ERN1: variants seen among roughly 807,000 people sequenced by gnomAD.
The protein encoded by ERN1 is endoplasmic reticulum to nucleus signaling 1.
A neutral mutation model predicts 113.1 loss-of-function variants in ERN1; 39 were observed. The ratio of observed to expected loss-of-function variants is 0.34; its 90% CI spans 0.27 to 0.45. The LOEUF (loss-of-function observed/expected upper bound fraction) is 0.45. Ranked by LOEUF, ERN1 falls within the 20% of genes least tolerant of loss-of-function variation. The pLI, the probability that ERN1 is intolerant of heterozygous loss-of-function variation, is 1.00. For missense variants in ERN1, 976 were observed against 1,274.8 expected, an observed-to-expected ratio of 0.77 and a Z score of 3.57; for synonymous variants, 507 against 515.9, an observed-to-expected ratio of 0.98 and a Z score of 0.23.
chr17:64,068,324 C>A, intron 6 of ERN1, 33 bp from the exon 7 acceptor site: 4 of 1,459,514 alleles, frequency 2.7e-6, no homozygotes, highest in Non-Finnish European at 3.8e-6. Flanking sequence ...CCCATTACCA[C>A]GGAGGGGCCA....
chr17:64,050,555 C>T lies in ERN1; in HGVS notation c.2254-1353G>A, dbSNP rs548560383. Among the ~76,000 whole-genome samples the T allele has an allele frequency of 1.6e-4, 25 of 152,186 alleles. No homozygotes were observed. In the South Asian group the frequency reaches 1.7e-3, roughly 10 times the overall value. ...CGGCATTTGGTGTGGTGGATTCAACCGTAAGGGACTGGGTCATGAAGCGTT... is the reference window on the plus strand; with the variant it reads ...CGGCATTTGGTGTGGTGGATTCAACTGTAAGGGACTGGGTCATGAAGCGTT... On this transcript the variant is annotated intron_variant, in intron 17 of 21. Coordinates refer to ENST00000433197, the MANE Select transcript of ERN1 (RefSeq NM_001433.5).
At chr17:64,055,547 T>A (rs1186650988) in intron 13 of ERN1, 128 bp downstream of exon 13, 7 of 835,674 alleles carry the variant, frequency 8.4e-6, no homozygotes, top group South Asian at 8.2e-5. Context: ...ACCCCCAGAG[T>A]GGAAGTTAGA....
chr17:64,056,042 T>G, intron 12 of ERN1, 94 bp from the exon 13 acceptor site: 1 of 1,451,692 alleles, frequency 6.9e-7, no homozygotes, highest in Non-Finnish European at 9.1e-7. Flanking sequence ...GGAGGGAGCA[T>G]GTGTACTTTA....
chr17:64,081,061 C>T (rs1009801502), intron 2 of ERN1, among the ~76,000 whole-genome samples: 4 of 152,186 alleles, frequency 2.6e-5, no homozygotes, highest in African/African-American at 9.7e-5. Flanking sequence ...GAGACCAGAA[C>T]AGAACTGCTT....
intron 4 of ERN1, among the ~76,000 whole-genome samples, chr17:64,077,488 G>C (rs530165192): frequency 1.3e-4 from 20 of 151,906 alleles, no homozygotes; most frequent in Non-Finnish European, 2.9e-4. Flanking sequence ...GCAGAGACTC[G>C]TTTTTCCTGT....
Position 64,066,711 on chromosome 17 carries a change from A to G in ERN1, c.802T>C (p.Tyr268His). ...GEVGRITKWKYPFPKETEAKS... is the reference protein window; with the variant it reads ...GEVGRITKWKHPFPKETEAKS... ...GCCTCTGTCTCCTTGGGGAACGGGT[A>G]CTTCCACTTTGTGATGCGCCCCACC... The change falls in exon 8 of 22, where the codon TAC (tyrosine) becomes CAC (histidine). Residue 268 changes from tyrosine to histidine, a missense_variant. Tyr to His is a moderately conservative substitution (Grantham distance 83). Coordinates refer to ENST00000433197, the MANE Select transcript of ERN1 (RefSeq NM_001433.5). The G allele has an allele frequency of 6.2e-7, 1 of 1,613,924 alleles. No individual in the cohort carries two copies. The highest frequency in any genetic ancestry group is 8.5e-7 in the Non-Finnish European group (1 of 1,179,878).
At position 64,072,007 on chromosome 17, in the gene ERN1, G is replaced by A. The variant is rs368149276; in HGVS notation, c.452C>T (p.Thr151Ile). Residue 151 changes from threonine to isoleucine, a missense_variant, in exon 6 of 22, where the codon ACC (threonine) becomes ATC (isoleucine). By Grantham distance (89) the Thr-to-Ile change is moderately conservative. Transcript: ENST00000433197. ...TGTTCGCCCAAGATACAGAAGAGAGGTTGATGGGCAGAGACTATCTGCAAA... is the reference window on the plus strand; with the variant it reads ...TGTTCGCCCAAGATACAGAAGAGAGATTGATGGGCAGAGACTATCTGCAAA... ...SAFADSLCPS[T>I]SLLYLGRTEY... is the part of the protein sequence containing the mutation. 6.3e-7 allele frequency: 1 copy of A among 1,583,166 alleles called. No homozygotes were observed. The highest frequency in any genetic ancestry group is 8.6e-7 in the Non-Finnish European group (1 of 1,163,764).
At chr17:64,098,395 T>C in intron 1 of ERN1, 154 bp from the exon 2 acceptor site, 1 of 951,308 alleles carries the variant, frequency 1.1e-6, no homozygotes, top group Non-Finnish European at 1.7e-6. Context: ...TCCCACTCAG[T>C]CAGGACTAGA....
At chr17:64,128,647 C>T (rs962530751) in intron 1 of ERN1, 1 of 152,118 alleles carries the variant, frequency 6.6e-6, no homozygotes, top group Non-Finnish European at 1.5e-5. Flanking sequence ...GAACAGATGC[C>T]AGGCAGTAGT....
At chr17:64,048,720 C>CA (rs1156339523) in intron 18 of ERN1, among the ~76,000 whole-genome samples, 1 of 152,092 alleles carries the variant, frequency 6.6e-6, no homozygotes, top group African/African-American at 2.4e-5. Context: ...TTTGTCTTCC[C>CA]AAATGCCAGT....
At chr17:64,076,044 G>A (rs529908464) in intron 4 of ERN1, among the ~76,000 whole-genome samples, 1 of 152,314 alleles carries the variant, frequency 6.6e-6, no homozygotes, top group Admixed American at 6.5e-5. Flanking sequence ...GAGACTTTTG[G>A]TTTTAAAGAG....
At chr17:64,085,604 C>T (rs761391305) in intron 2 of ERN1, among the ~76,000 whole-genome samples, 6 of 152,206 alleles carry the variant, frequency 3.9e-5, no homozygotes, top group Non-Finnish European at 5.9e-5. Context: ...TTCTTTCCTA[C>T]TTCCACTCTT....
intron 9 of ERN1, 22 bp from the exon 10 acceptor site, chr17:64,064,173 G>A: frequency 6.4e-7 from 1 of 1,569,948 alleles, no homozygotes; most frequent in South Asian, 1.2e-5. Flanking sequence ...GTGCAGTGAG[G>A]GTCAGGAGCC....
intron 1 of ERN1, among the ~76,000 whole-genome samples, chr17:64,110,826 A>C (rs892281672): frequency 2.6e-5 from 4 of 152,234 alleles, no homozygotes; most frequent in African/African-American, 9.6e-5. Context: ...GTTTGAATAG[A>C]GATTGGAAAG....
chr17:64,060,382 A>T lies in ERN1; in HGVS notation c.1206+87T>A. ...CCTCTTCCCTCCCAGACTAGGCTGC[A>T]AGCTCAGAAGGCAGAGTCAAAGTCT... is the stretch of plus-strand genomic sequence containing the variant. On this transcript the variant is annotated intron_variant, in intron 11 of 21. Coordinates refer to ENST00000433197, the MANE Select transcript of ERN1 (RefSeq NM_001433.5). 3 of 840,894 alleles carry T rather than the reference A, an allele frequency of 3.6e-6. No individual in the cohort carries two copies. The South Asian group carries it at 4.3e-5, about 12-fold the overall frequency. 52.1% of individuals were successfully genotyped at this position (840,894 alleles called of 1,614,324 possible). A position where few individuals can be genotyped will look rare whatever the true frequency, so the allele number is the denominator to read the frequency against.
chr17:64,079,501 A>C (rs1913699931), intron 4 of ERN1, among the ~76,000 whole-genome samples, 161 bp downstream of exon 4: 2 of 152,156 alleles, frequency 1.3e-5, no homozygotes, highest in African/African-American at 4.8e-5. Context: ...CTCTCTGAAA[A>C]GACTGATGCC....
intron 9 of ERN1, among the ~76,000 whole-genome samples, chr17:64,064,565 G>A (rs1204710457): frequency 6.6e-6 from 1 of 152,210 alleles, no homozygotes; most frequent in Non-Finnish European, 1.5e-5. Context: ...GGCAGGCGCT[G>A]TCTATTCACA....
Position 64,054,567 on chromosome 17 carries a change from TG to T in ERN1, c.1764-129del. ...TAGAGAGCCCCGCCTGACTGCCTGG[TG>T]GCCCCGGAATCATCGCTTGTCTCAG... On this transcript the variant is annotated intron_variant, in intron 14 of 21. Transcript: ENST00000433197. The surrounding 1 kb of genome is among the most constrained non-coding windows in gnomAD (Gnocchi z 4.9). 1 of 1,070,916 alleles carries T rather than the reference TG, an allele frequency of 9.3e-7. No individual in the cohort carries two copies. 66.3% of individuals were successfully genotyped at this position (1,070,916 alleles called of 1,614,324 possible). A position where few individuals can be genotyped will look rare whatever the true frequency, so the allele number is the denominator to read the frequency against.
At chr17:64,068,466 T>A (rs1310478042) in intron 6 of ERN1, among the ~76,000 whole-genome samples, 175 bp from the exon 7 acceptor site, 1 of 152,156 alleles carries the variant, frequency 6.6e-6, no homozygotes, top group African/African-American at 2.4e-5. Flanking sequence ...CCCAGACACA[T>A]GAGTGAAACT....
Sources: gnomAD v4.1 joint callset for allele counts (sites outside exome capture counted in the v4.1 genomes callset) on GRCh38, gnomAD v4.1.1 for gene constraint, Gnocchi (gnomAD v3.1) non-coding constraint, MANE v1.5 for transcripts, NCBI Gene and HGNC (gene_info 2026-07-23, HGNC 2026-07-21) for gene names.